DCLK1: variants seen among roughly 807,000 people sequenced by gnomAD.
The protein encoded by DCLK1 is doublecortin like kinase 1, also known as serine/threonine-protein kinase DCLK1.
A neutral mutation model predicts 86.2 loss-of-function variants in DCLK1; 16 were observed. That is an observed-to-expected ratio of 0.19 (90% CI 0.13 to 0.28). The LOEUF is 0.28. Ranked by LOEUF, DCLK1 falls within the 10% of genes least tolerant of loss-of-function variation. The probability of loss-of-function intolerance (pLI) is 1.00; values close to 1 mark genes in which losing one functional copy is unlikely to be tolerated. For missense variants in DCLK1, 590 were observed against 940.2 expected (o/e 0.63, Z 4.87); for synonymous variants, 369 against 370.5 (o/e 1.00, Z 0.05).
intron 3 of DCLK1, among the ~76,000 whole-genome samples, chr13:35,950,435 G>A (rs756701276): frequency 1.1e-4 from 17 of 152,156 alleles, no homozygotes; most frequent in Non-Finnish European, 2.1e-4. Context: ...CTGATATTAA[G>A]GAATTATAAA....
intron 4 of DCLK1, among the ~76,000 whole-genome samples, chr13:35,927,095 G>C (rs1876165910): frequency 6.6e-6 from 1 of 152,182 alleles, no homozygotes. Flanking sequence ...ATTGTGAAAT[G>C]AAAGAACTGA....
At chr13:36,003,223 C>T (rs538217946) in intron 3 of DCLK1, among the ~76,000 whole-genome samples, 159 of 152,294 alleles carry the variant, frequency 1.0e-3, no homozygotes, top group African/African-American at 3.8e-3. Flanking sequence ...AAACCTTGGT[C>T]TCCAAGGAGG....
intron 3 of DCLK1, among the ~76,000 whole-genome samples, chr13:36,082,578 G>A (rs764177939): frequency 6.6e-6 from 1 of 152,136 alleles, no homozygotes; most frequent in African/African-American, 2.4e-5. Context: ...TTGGATGGAT[G>A]AGTCATTTCC....
chr13:35,930,233 A>G (rs767286496), intron 4 of DCLK1, among the ~76,000 whole-genome samples: 11 of 152,254 alleles, frequency 7.2e-5, no homozygotes, highest in Non-Finnish European at 1.6e-4. Context: ...AATACTTGAC[A>G]TGCAGTAGGC....
At chr13:36,063,868 T>C (rs1883647238) in intron 3 of DCLK1, among the ~76,000 whole-genome samples, 1 of 152,142 alleles carries the variant, frequency 6.6e-6, no homozygotes, top group African/African-American at 2.4e-5. Flanking sequence ...ATGCAGGCAA[T>C]AAATATTTAT....
At chr13:35,995,208 A>G (rs1880416918) in intron 3 of DCLK1, among the ~76,000 whole-genome samples, 1 of 152,312 alleles carries the variant, frequency 6.6e-6, no homozygotes, top group South Asian at 2.1e-4. Context: ...TTTCACCTCA[A>G]ATTACCAATA....
chr13:35,887,908 A>G (rs1873388993), intron 4 of DCLK1, among the ~76,000 whole-genome samples: 1 of 138,830 alleles, frequency 7.2e-6, no homozygotes, highest in Non-Finnish European at 1.5e-5. Context: ...AAAAAAAAAA[A>G]AAGAAGGCTT....
intron 4 of DCLK1, among the ~76,000 whole-genome samples, chr13:35,908,140 C>T (rs1356826024): frequency 6.6e-6 from 1 of 151,618 alleles, no homozygotes; most frequent in African/African-American, 2.4e-5. Context: ...TCTCCTTTCT[C>T]CTGATGAGGT....
chr13:35,833,058 T>C (rs1261716348), intron 8 of DCLK1, among the ~76,000 whole-genome samples: 2 of 152,182 alleles, frequency 1.3e-5, no homozygotes, highest in African/African-American at 4.8e-5. Flanking sequence ...CTTGTTCTGC[T>C]GGATTTGAGC....
chr13:35,926,401 C>A (rs1876121314), intron 4 of DCLK1, among the ~76,000 whole-genome samples: 1 of 152,170 alleles, frequency 6.6e-6, no homozygotes, highest in African/African-American at 2.4e-5. Context: ...GAGTCTTATT[C>A]CACTCAACAG....
At chr13:36,043,786 A>C (rs879526100) in intron 3 of DCLK1, among the ~76,000 whole-genome samples, 12 of 152,230 alleles carry the variant, frequency 7.9e-5, no homozygotes, top group Admixed American at 7.2e-4. Flanking sequence ...ATCATAAGTG[A>C]GAGTTGAATA....
At chr13:35,908,804 T>G (rs1874828397) in intron 4 of DCLK1, among the ~76,000 whole-genome samples, 1 of 151,998 alleles carries the variant, frequency 6.6e-6, no homozygotes, top group Admixed American at 6.5e-5. Flanking sequence ...CCCAGCAAAT[T>G]TTTGTATTTT....
chr13:36,116,455 G>A (rs1885793015), intron 2 of DCLK1, among the ~76,000 whole-genome samples: 1 of 152,176 alleles, frequency 6.6e-6, no homozygotes, highest in East Asian at 2.0e-4. Flanking sequence ...TGGGTGACTG[G>A]GCCTGCAGTG....
intron 16 of DCLK1, among the ~76,000 whole-genome samples, chr13:35,789,257 T>C (rs1213700373): frequency 6.6e-6 from 1 of 152,216 alleles, no homozygotes; most frequent in Admixed American, 6.5e-5. Flanking sequence ...AGTTTCTGCT[T>C]CTAAATTCAC....
At chr13:35,830,845 G>A (rs1868901250) in intron 8 of DCLK1, among the ~76,000 whole-genome samples, 1 of 152,228 alleles carries the variant, frequency 6.6e-6, no homozygotes, top group South Asian at 2.1e-4. Flanking sequence ...GTGCTGGTCA[G>A]AAGAGAAAGT....
chr13:36,095,169 CTTTGTTTTTTTTT>C (rs894181141), intron 3 of DCLK1, among the ~76,000 whole-genome samples: 7 of 141,522 alleles, frequency 4.9e-5, no homozygotes, highest in African/African-American at 1.9e-4. Flanking sequence ...ATCTCTCTCT[CTTTGTTTTTTTTT>C]TTTGTTTTTT....
chr13:35,850,530 A>C, intron 6 of DCLK1: 1 of 1,252,902 alleles, frequency 8.0e-7, no homozygotes, highest in Non-Finnish European at 1.0e-6. Context: ...AGATATTTTT[A>C]AAAATCTCTC....
chr13:36,083,366 G>T (rs1166283418), intron 3 of DCLK1, among the ~76,000 whole-genome samples: 1 of 152,072 alleles, frequency 6.6e-6, no homozygotes, highest in Non-Finnish European at 1.5e-5. Context: ...CTTTCATCTC[G>T]ATTACTCTGT....
At chr13:35,920,452 A>T (rs1875730861) in intron 4 of DCLK1, among the ~76,000 whole-genome samples, 1 of 152,156 alleles carries the variant, frequency 6.6e-6, no homozygotes, top group African/African-American at 2.4e-5. Flanking sequence ...GAATAGCAAA[A>T]CCAAAAGCTT....
Sources: gnomAD v4.1 joint callset for allele counts (sites outside exome capture counted in the v4.1 genomes callset) on GRCh38, gnomAD v4.1.1 for gene constraint, MANE v1.5 for transcripts, NCBI Gene and HGNC (gene_info 2026-07-23, HGNC 2026-07-21) for gene names.